TRAPPC10: variants seen among roughly 807,000 people sequenced by gnomAD.
TRAPPC10 encodes the protein trafficking protein particle complex subunit 10, also known as TRAPP 130 kDa subunit.
A neutral mutation model predicts 125.5 loss-of-function variants in TRAPPC10; 23 were observed. That is an observed-to-expected ratio of 0.18 (90% CI 0.13 to 0.26). TRAPPC10 has a LOEUF of 0.26. TRAPPC10 is among the 10% of genes least tolerant of loss of function. TRAPPC10 has a pLI of 1.00. For synonymous variants in TRAPPC10, 509 were observed against 518.0 expected, an observed-to-expected ratio of 0.98 and a Z score of 0.24; for missense variants, 1,123 against 1,308.4, an observed-to-expected ratio of 0.86 and a Z score of 2.19.
At chr21:44,032,286 C>A in intron 2 of TRAPPC10, 114 bp downstream of exon 2, 2 of 736,416 alleles carry the variant, frequency 2.7e-6, no homozygotes, top group Non-Finnish European at 4.3e-6. Flanking sequence ...TGAAGTAGCA[C>A]AAGTTAAAAG....
intron 1 of TRAPPC10, among the ~76,000 whole-genome samples, chr21:44,027,353 C>T (rs1230360263): frequency 2.6e-5 from 4 of 152,218 alleles, no homozygotes; most frequent in East Asian, 1.9e-4. Context: ...AAGACCATCA[C>T]GGCTTTGCAC....
At chr21:44,019,256 C>T (rs1360783181) in intron 1 of TRAPPC10, among the ~76,000 whole-genome samples, 1 of 152,082 alleles carries the variant, frequency 6.6e-6, no homozygotes, top group Admixed American at 6.6e-5. Context: ...CGCCATGTTG[C>T]CCAGGCACGT....
At chr21:44,055,268 A>G (rs1373943717) in intron 4 of TRAPPC10, among the ~76,000 whole-genome samples, 1 of 151,948 alleles carries the variant, frequency 6.6e-6, no homozygotes, top group Non-Finnish European at 1.5e-5. Context: ...CTGGTTTCTT[A>G]CCGCCTGCCT....
intron 3 of TRAPPC10, among the ~76,000 whole-genome samples, chr21:44,045,222 C>T (rs1247496393): frequency 2.6e-5 from 4 of 152,156 alleles, no homozygotes; most frequent in East Asian, 1.9e-4. Flanking sequence ...CGTGAGCCAC[C>T]GTGCCCAGCC....
At chr21:44,027,974 A>C (rs2033224688) in intron 1 of TRAPPC10, among the ~76,000 whole-genome samples, 1 of 152,236 alleles carries the variant, frequency 6.6e-6, no homozygotes, top group Non-Finnish European at 1.5e-5. Context: ...TCTGCTGTTT[A>C]TAAGCCATCC....
At chr21:44,088,837 C>G (rs1320282647) in intron 17 of TRAPPC10, 1 of 145,652 alleles carries the variant, frequency 6.9e-6, no homozygotes, top group Non-Finnish European at 1.4e-5. Context: ...TGTTATCCCA[C>G]TCTTCCCTGA....
At chr21:44,079,509 A>T in intron 11 of TRAPPC10, 55 bp from the exon 12 acceptor site, 1 of 1,551,604 alleles carries the variant, frequency 6.4e-7, no homozygotes, top group South Asian at 1.2e-5. Context: ...ATGGGGTTTC[A>T]GTGTGTTGAT....
rs571108338 is a variant in TRAPPC10, at chr21:44,013,584, G to A, written c.67+1024G>A. 5.3e-5 allele frequency among the ~76,000 whole-genome samples: 8 copies of A among 152,334 alleles called. No individual in the cohort carries two copies. The East Asian group carries it at 1.3e-3, about 26-fold the overall frequency. On this transcript the variant is annotated intron_variant, in intron 1 of 22. Transcript: ENST00000291574. ...CTGTTTCCCTCTCACTCTGTCAGCGGGTGTGCACCTGCTGTGTTCCTTCCT... is the reference window on the plus strand; with the variant it reads ...CTGTTTCCCTCTCACTCTGTCAGCGAGTGTGCACCTGCTGTGTTCCTTCCT...
At chr21:44,031,246 A>G (rs912963106) in intron 1 of TRAPPC10, among the ~76,000 whole-genome samples, 1 of 152,242 alleles carries the variant, frequency 6.6e-6, no homozygotes, top group African/African-American at 2.4e-5. Flanking sequence ...TTAAAGATCA[A>G]TATAAAAGCA....
At chr21:44,066,460 C>T (rs1477404884) in intron 7 of TRAPPC10, among the ~76,000 whole-genome samples, 3 of 152,156 alleles carry the variant, frequency 2.0e-5, no homozygotes, top group Non-Finnish European at 4.4e-5. Flanking sequence ...CGGTAACACC[C>T]GTGAAGTGAG....
Position 44,082,755 on chromosome 21 carries a change from T to G in TRAPPC10, c.1724-33T>G. 6.2e-7 allele frequency: 1 copy of G among 1,608,042 alleles called. No individual in the cohort carries two copies. Among genetic ancestry groups the G allele is most frequent in the Non-Finnish European group, 8.5e-7 (1 of 1,175,694 alleles). ...CTGCTTACTGTCAGGAAGTGTGACT[T>G]GGGGAGTCACTTACGATAATGTCTA... On this transcript the variant is annotated intron_variant, in intron 13 of 22. Coordinates refer to ENST00000291574, the MANE Select transcript of TRAPPC10 (RefSeq NM_003274.5). The surrounding 1 kb of genome is among the most constrained non-coding windows in gnomAD (Gnocchi z 4.4).
At position 44,094,348 on chromosome 21, in the gene TRAPPC10, C is replaced by T. The variant is rs2038785386; in HGVS notation, c.3168+115C>T. 14 of 1,043,718 alleles carry T rather than the reference C, an allele frequency of 1.3e-5. No homozygotes were observed. In the South Asian group the frequency reaches 2.3e-4, roughly 17 times the overall value. 64.7% of individuals were successfully genotyped at this position (1,043,718 alleles called of 1,614,324 possible). ...TTCTGTCAACATAATGAAGGAGCAG[C>T]TGGAGAAAAACAGTTGTTGGGGTAG... On this transcript the variant is annotated intron_variant, in intron 20 of 22. Coordinates refer to ENST00000291574, the MANE Select transcript of TRAPPC10 (RefSeq NM_003274.5).
intron 6 of TRAPPC10, chr21:44,062,543 G>A (rs901403342): frequency 9.7e-5 from 96 of 984,882 alleles, no homozygotes; most frequent in Admixed American, 1.2e-4. Context: ...AATCCTGTGG[G>A]AGGGGAGCCT....
chr21:44,093,619 A>G (rs2038731900), intron 19 of TRAPPC10, among the ~76,000 whole-genome samples: 1 of 152,116 alleles, frequency 6.6e-6, no homozygotes, highest in Admixed American at 6.5e-5. Flanking sequence ...TGAGCTGGGC[A>G]TGGCGGCGTG....
intron 3 of TRAPPC10, chr21:44,046,315 G>C (rs1201340483): frequency 2.0e-5 from 5 of 255,504 alleles, no homozygotes; most frequent in Middle Eastern, 4.8e-4. Context: ...AGAGTATTTA[G>C]AGTCCTGAGA....
chr21:44,038,003 G>C (rs1569155863), intron 3 of TRAPPC10, 76 bp downstream of exon 3: 5 of 1,557,340 alleles, frequency 3.2e-6, no homozygotes, highest in Admixed American at 3.7e-5. Flanking sequence ...GTGAGTACCA[G>C]TGGGGGAAGA....
rs774139493 is a variant in TRAPPC10 at position 44,055,800 on chromosome 21, C to G, written c.585C>G (p.Thr195=). The G allele has an allele frequency of 1.1e-4, 180 of 1,613,696 alleles. No homozygotes were observed. Among genetic ancestry groups the G allele is most frequent in the Non-Finnish European group, 1.5e-4 (173 of 1,179,840 alleles). ...GGACATTGCTTCTTATGTCTTTTAC[C>G]AAAAACCTAGGCAAGTTTGAGGATG... ...KLRTLLLMSF[T]KNLGKFEDDM... Residue 195 remains threonine, a synonymous_variant, in exon 5 of 23, where the codon ACC becomes ACG. Transcript: ENST00000291574.
intron 17 of TRAPPC10, chr21:44,088,339 G>T (rs1569219351): frequency 4.8e-6 from 1 of 209,868 alleles, no homozygotes; most frequent in Non-Finnish European, 9.8e-6. Flanking sequence ...TTTAGGCTTT[G>T]GTGCTGGTAC....
intron 13 of TRAPPC10, among the ~76,000 whole-genome samples, chr21:44,081,105 T>TTCTGGAG (rs2037705282): frequency 6.7e-6 from 1 of 149,220 alleles, no homozygotes. Context: ...AGCCTCAACC[T>TTCTGGAG]TCTGGAGTCA....
Sources: gnomAD v4.1 joint callset for allele counts (sites outside exome capture counted in the v4.1 genomes callset) on GRCh38, gnomAD v4.1.1 for gene constraint, Gnocchi (gnomAD v3.1) non-coding constraint, MANE v1.5 for transcripts, NCBI Gene and HGNC (gene_info 2026-07-23, HGNC 2026-07-21) for gene names.